TEAD1: variants seen among roughly 807,000 people sequenced by gnomAD.
The protein encoded by TEAD1 is TEA domain transcription factor 1.
A neutral mutation model predicts 54.9 loss-of-function variants in TEAD1; 9 were observed. The observed-to-expected ratio is 0.16, with a 90% CI of 0.10 to 0.29. TEAD1 has a LOEUF of 0.29. Ranked by LOEUF, TEAD1 falls within the 10% of genes least tolerant of loss-of-function variation. The pLI is 1.00. For synonymous variants in TEAD1, 200 were observed against 187.8 expected (o/e 1.07, Z -0.53); for missense variants, 387 against 535.9 (o/e 0.72, Z 2.74).
intron 9 of TEAD1, among the ~76,000 whole-genome samples, chr11:12,900,343 G>C (rs1406796882): frequency 1.3e-5 from 2 of 152,082 alleles, no homozygotes; most frequent in Non-Finnish European, 2.9e-5. Context: ...TTAAAGGCAT[G>C]AGCCACCATG....
chr11:12,882,164 G>C (rs1947986553), intron 8 of TEAD1, among the ~76,000 whole-genome samples: 1 of 152,228 alleles, frequency 6.6e-6, no homozygotes, highest in Non-Finnish European at 1.5e-5. Flanking sequence ...CTTTTCAGAT[G>C]GTTTGTTTAA....
At chr11:12,707,114 C>CTTTTT (rs11366620) in intron 2 of TEAD1, among the ~76,000 whole-genome samples, 2 of 76,276 alleles carry the variant, frequency 2.6e-5, no homozygotes, top group Non-Finnish European at 4.9e-5. Context: ...ACTTGTGGGA[C>CTTTTT]TTTTTTTTTT....
At chr11:12,858,846 T>A (rs1248635432) in intron 3 of TEAD1, among the ~76,000 whole-genome samples, 1 of 152,212 alleles carries the variant, frequency 6.6e-6, no homozygotes, top group Non-Finnish European at 1.5e-5. Flanking sequence ...GTGATTTTAG[T>A]CATTGTTAGA....
intron 2 of TEAD1, among the ~76,000 whole-genome samples, chr11:12,721,211 C>G (rs1230052148): frequency 6.6e-6 from 1 of 152,176 alleles, no homozygotes; most frequent in Non-Finnish European, 1.5e-5. Context: ...GTAGAAGCAC[C>G]TGGCTCAGTG....
chr11:12,681,317 A>G (rs1312911134), intron 2 of TEAD1, among the ~76,000 whole-genome samples: 1 of 152,218 alleles, frequency 6.6e-6, no homozygotes, highest in African/African-American at 2.4e-5. Flanking sequence ...AATTTTGATG[A>G]AAGGTTTCTA....
chr11:12,862,138 C>A, intron 3 of TEAD1, 112 bp from the exon 4 acceptor site: 1 of 806,576 alleles, frequency 1.2e-6, no homozygotes, highest in Non-Finnish European at 2.1e-6. Flanking sequence ...TTAGTAAACA[C>A]ATAGTTGTAA....
chr11:12,788,139 C>CTTT (rs541990107), intron 3 of TEAD1, among the ~76,000 whole-genome samples: 19 of 129,294 alleles, frequency 1.5e-4, no homozygotes, highest in African/African-American at 5.4e-4. Context: ...CTAATTTTGT[C>CTTT]TTTTTTTTTT....
intron 2 of TEAD1, among the ~76,000 whole-genome samples, chr11:12,756,004 G>A (rs1944977162): frequency 6.6e-6 from 1 of 152,174 alleles, no homozygotes; most frequent in Non-Finnish European, 1.5e-5. Context: ...CATCAGAGCT[G>A]CATAGCATGA....
intron 3 of TEAD1, among the ~76,000 whole-genome samples, chr11:12,853,134 T>G (rs1947307402): frequency 6.6e-6 from 1 of 152,174 alleles, no homozygotes; most frequent in African/African-American, 2.4e-5. Flanking sequence ...ACGTTTCAGG[T>G]GAGGTTTCTT....
chr11:12,895,895 A>G (rs577654746), intron 9 of TEAD1, among the ~76,000 whole-genome samples: 2 of 151,386 alleles, frequency 1.3e-5, no homozygotes, highest in African/African-American at 4.9e-5. Flanking sequence ...TTCTTAACAT[A>G]GAAGACTACG....
At position 12,758,434 on chromosome 11, in the gene TEAD1, G is replaced by T. The variant is rs559361791; in HGVS notation, c.-54-5745G>T. 3.3e-3 allele frequency among the ~76,000 whole-genome samples: 434 copies of T among 131,600 alleles called. 1 individual carries two copies. The highest frequency in any genetic ancestry group is 4.9e-3 in the Non-Finnish European group (306 of 62,772). 86.3% of individuals were successfully genotyped at this position (131,600 alleles called of 152,430 possible). ...TTTTTTTTTTTTTTTTTTTTGAGGT[G>T]GAGTATCACTCTGTCGCCTAGGCTG... On this transcript the variant is annotated intron_variant, in intron 2 of 12. Coordinates refer to ENST00000527636, the MANE Select transcript of TEAD1 (RefSeq NM_021961.6).
At chr11:12,747,772 T>C (rs1469023009) in intron 2 of TEAD1, among the ~76,000 whole-genome samples, 1 of 152,260 alleles carries the variant, frequency 6.6e-6, no homozygotes, top group Non-Finnish European at 1.5e-5. Context: ...AATACTTTCA[T>C]GGATCATCTC....
chr11:12,874,918 C>T (rs372322497), intron 5 of TEAD1, among the ~76,000 whole-genome samples: 22 of 152,102 alleles, frequency 1.4e-4, no homozygotes, highest in African/African-American at 3.1e-4. Context: ...GATAGAGGGA[C>T]GGAAAATCAG....
chr11:12,759,658 C>G (rs1172614688), intron 2 of TEAD1, among the ~76,000 whole-genome samples: 2 of 152,092 alleles, frequency 1.3e-5, no homozygotes, highest in African/African-American at 4.8e-5. Flanking sequence ...GTCAGGAGTT[C>G]GAGACCAGCC....
intron 10 of TEAD1, among the ~76,000 whole-genome samples, chr11:12,923,243 CCT>C (rs200647540): frequency 0.011 from 1,714 of 152,170 alleles, 24 homozygotes; most frequent in Non-Finnish European, 0.013. Context: ...CTCCTGCCAT[CCT>C]CTCTCTCTTG....
At chr11:12,702,524 A>G (rs1943725260) in intron 2 of TEAD1, among the ~76,000 whole-genome samples, 1 of 152,190 alleles carries the variant, frequency 6.6e-6, no homozygotes, top group African/African-American at 2.4e-5. Flanking sequence ...TAGAGATAGA[A>G]GAATTGAGGC....
At chr11:12,898,902 C>G (rs545632138) in intron 9 of TEAD1, among the ~76,000 whole-genome samples, 1 of 152,296 alleles carries the variant, frequency 6.6e-6, no homozygotes, top group Admixed American at 6.5e-5. Context: ...TTCATGGTCC[C>G]CATTGGTATG....
intron 2 of TEAD1, among the ~76,000 whole-genome samples, chr11:12,745,950 AC>A (rs1330209674): frequency 6.6e-6 from 1 of 152,122 alleles, no homozygotes; most frequent in Non-Finnish European, 1.5e-5. Context: ...CTTGAGGCTT[AC>A]CTGCCTGGCT....
intron 3 of TEAD1, among the ~76,000 whole-genome samples, chr11:12,834,819 G>GTTGCC (rs1168428059): frequency 6.7e-6 from 1 of 149,188 alleles, no homozygotes; most frequent in Non-Finnish European, 1.5e-5. Flanking sequence ...ATCTTGCTGT[G>GTTGCC]TTGCCCAGGC....
Sources: allele counts gnomAD v4.1 joint callset (sites outside exome capture counted in the v4.1 genomes callset), GRCh38; gene constraint gnomAD v4.1.1; transcripts MANE v1.5; gene names NCBI Gene and HGNC (gene_info 2026-07-23, HGNC 2026-07-21).